The following DIABLO variants were observed in gnomAD, a reference collection of about 807,000 sequenced individuals.
DIABLO encodes the protein diablo IAP-binding mitochondrial protein.
DIABLO carries 32 observed loss-of-function variants against 31.7 expected under a neutral mutation model. The observed-to-expected ratio is 1.01, with a 90% CI of 0.76 to 1.35. The LOEUF is 1.35. DIABLO is among the 40% of genes most tolerant of loss of function. DIABLO has a pLI of 0.00. For missense variants in DIABLO, 316 were observed against 286.4 expected, an observed-to-expected ratio of 1.10 and a Z score of -0.75; for synonymous variants, 132 against 103.2, an observed-to-expected ratio of 1.28 and a Z score of -1.69.
chr12:122,226,028 GA>G lies in DIABLO; in HGVS notation c.-15del, dbSNP rs771952066. 5.0e-6 allele frequency: 8 copies of G among 1,600,344 alleles called. No homozygotes were observed. The Admixed American group carries it at 1.4e-4, about 27-fold the overall frequency. ...CAGAGCCGCCATTGTGCAGCGCGCG[GA>G]CGCCAGACGCACACGCCGGAAGTGA... On this transcript the variant is annotated 5_prime_UTR_variant, in exon 1 of 6. Transcript: ENST00000464942.
chr12:122,224,045 C>T (rs1338473857), intron 2 of DIABLO, among the ~76,000 whole-genome samples: 1 of 152,202 alleles, frequency 6.6e-6, no homozygotes, highest in East Asian at 1.9e-4. Flanking sequence ...AGCCATCCTC[C>T]CACCTCAGCC....
At chr12:122,213,690 T>C (rs922114651) in intron 5 of DIABLO, among the ~76,000 whole-genome samples, 16 of 152,278 alleles carry the variant, frequency 1.1e-4, no homozygotes, top group African/African-American at 3.6e-4. Context: ...TCCTCTGCCA[T>C]GTTTGTGTGG....
In DIABLO at chr12:122,216,470, C is replaced by T. The variant is rs750574662; in HGVS notation, c.523+18G>A. On this transcript the variant is annotated intron_variant, in intron 5 of 5. Coordinates refer to ENST00000464942, the MANE Select transcript of DIABLO (RefSeq NM_001371333.1). ...TTAAAAAATTAAAAAAAAAACCCAA[C>T]ACAAAACTTGAACCTACCAGTTTGA... 3 of 1,600,864 alleles carry T rather than the reference C, an allele frequency of 1.9e-6. No individual in the cohort carries two copies. The East Asian group carries it at 6.7e-5, about 36-fold the overall frequency.
At chr12:122,210,741 C>T (rs2136084693) in intron 5 of DIABLO, among the ~76,000 whole-genome samples, 1 of 152,072 alleles carries the variant, frequency 6.6e-6, no homozygotes, top group South Asian at 2.1e-4. Context: ...ACAAAATTTA[C>T]TGTGTGTCTT....
At chr12:122,213,124 G>A (rs1181043136) in intron 5 of DIABLO, among the ~76,000 whole-genome samples, 1 of 152,050 alleles carries the variant, frequency 6.6e-6, no homozygotes, top group Non-Finnish European at 1.5e-5. Flanking sequence ...GTGTTGTCAA[G>A]TCTGGTCTCG....
chr12:122,208,015 G>A lies in DIABLO; in HGVS notation c.*366C>T, dbSNP rs555384180. 1.4e-4 allele frequency: 67 copies of A among 495,010 alleles called. 2 individuals carry two copies. Among genetic ancestry groups the A allele is most frequent in the South Asian group, 8.6e-4 (56 of 64,830 alleles). 30.7% of individuals were successfully genotyped at this position (495,010 alleles called of 1,614,324 possible). On this transcript the variant is annotated 3_prime_UTR_variant, in exon 6 of 6. Coordinates refer to ENST00000464942, the MANE Select transcript of DIABLO (RefSeq NM_001371333.1). ...CAAGTACTAAATCATTTTTGACGAC[G>A]TAAATAAGACTGAAAACAGGTTAAA...
At chr12:122,224,231 T>C (rs1255463406) in intron 2 of DIABLO, among the ~76,000 whole-genome samples, 1 of 152,218 alleles carries the variant, frequency 6.6e-6, no homozygotes, top group African/African-American at 2.4e-5. Flanking sequence ...AGTTGCTCAA[T>C]AAATTTCTGT....
At position 122,207,895 on chromosome 12, in the gene DIABLO, A is replaced by C. The variant is rs912882030; in HGVS notation, c.*486T>G. ...GCTGTCCTCACAGGACAGTGGGGGC[A>C]GATCAGAGAACACATCAGAAATACA... is the stretch of plus-strand genomic sequence containing the variant. On this transcript the variant is annotated 3_prime_UTR_variant, in exon 6 of 6. Coordinates refer to ENST00000464942, the MANE Select transcript of DIABLO (RefSeq NM_001371333.1). The C allele has an allele frequency of 1.5e-5, 7 of 460,496 alleles. No homozygotes were observed. Among genetic ancestry groups the C allele is most frequent in the African/African-American group, 4.0e-5 (2 of 50,298 alleles). The allele number at this position is 460,496 out of a possible 1,614,324, so 28.5% of individuals were successfully genotyped here.
At chr12:122,212,866 C>T (rs886574106) in intron 5 of DIABLO, among the ~76,000 whole-genome samples, 3 of 151,640 alleles carry the variant, frequency 2.0e-5, no homozygotes, top group Non-Finnish European at 2.9e-5. Context: ...ACCACATGAT[C>T]CGCCCACCTC....
At chr12:122,216,464 A>AC in intron 5 of DIABLO, 24 bp downstream of exon 5, 1 of 1,595,154 alleles carries the variant, frequency 6.3e-7, no homozygotes, top group African/African-American at 1.3e-5. Flanking sequence ...TAAAAAAAAA[A>AC]CCCAACACAA....
intron 1 of DIABLO, 133 bp downstream of exon 1, chr12:122,225,832 G>A (rs1186222582): frequency 2.6e-6 from 4 of 1,514,412 alleles, no homozygotes; most frequent in East Asian, 4.9e-5. Flanking sequence ...CGACCGGAGC[G>A]AGACGCCGCG....
chr12:122,219,623 G>A (rs945965316), intron 2 of DIABLO, among the ~76,000 whole-genome samples: 10 of 152,120 alleles, frequency 6.6e-5, no homozygotes, highest in Admixed American at 3.3e-4. Context: ...TTGGGAGGCC[G>A]AGGCGGGTGG....
upstream of DIABLO, chr12:122,227,339 C>G (rs1186698901): frequency 4.4e-6 from 2 of 452,904 alleles, no homozygotes; most frequent in Non-Finnish European, 8.9e-6. Context: ...GCTTCCTTCT[C>G]TCCCCACCTC....
At chr12:122,221,019 G>C (rs1466191538) in intron 2 of DIABLO, 1 of 152,224 alleles carries the variant, frequency 6.6e-6, no homozygotes, top group Non-Finnish European at 1.5e-5. Context: ...GCTCAGAATA[G>C]TTATGTAACT....
intron 5 of DIABLO, among the ~76,000 whole-genome samples, chr12:122,212,939 A>G (rs1175303169): frequency 1.3e-5 from 2 of 151,020 alleles, no homozygotes; most frequent in Non-Finnish European, 3.0e-5. Flanking sequence ...TTTTGTTTTT[A>G]AGACAGGGTC....
chr12:122,225,866 G>A (rs1593185035), intron 1 of DIABLO, 99 bp downstream of exon 1: 16 of 1,539,264 alleles, frequency 1.0e-5, no homozygotes, highest in Admixed American at 3.9e-5. Flanking sequence ...GACGAGAGAT[G>A]AGCGCGTAAG....
At chr12:122,208,733 C>T (rs1161180004) in intron 5 of DIABLO, 156 bp from the exon 6 acceptor site, 2 of 762,190 alleles carry the variant, frequency 2.6e-6, no homozygotes, top group South Asian at 2.9e-5. Flanking sequence ...GAAACTTCCA[C>T]CTCTATGTTC....
Position 122,208,367 on chromosome 12 carries a change from G to C in DIABLO, c.*14C>G. 6.2e-7 allele frequency: 1 copy of C among 1,611,248 alleles called. No homozygotes were observed. The highest frequency in any genetic ancestry group is 1.1e-5 in the South Asian group (1 of 91,002). On this transcript the variant is annotated 3_prime_UTR_variant, in exon 6 of 6. Coordinates refer to ENST00000464942, the MANE Select transcript of DIABLO (RefSeq NM_001371333.1). The stretch of plus-strand genomic sequence containing the variant: ...CCCCACTGAGTGGGGAGACAGGGCA[G>C]TGTGCTCAGGCCCTCAATCCTCACG...
At chr12:122,214,902 G>A (rs1015274474) in intron 5 of DIABLO, among the ~76,000 whole-genome samples, 1 of 152,072 alleles carries the variant, frequency 6.6e-6, no homozygotes, top group African/African-American at 2.4e-5. Context: ...CGGTGGCCAG[G>A]GTAGTGTCAA....
Sources: allele counts gnomAD v4.1 joint callset (sites outside exome capture counted in the v4.1 genomes callset), GRCh38; gene constraint gnomAD v4.1.1; transcripts MANE v1.5; gene names NCBI Gene and HGNC (gene_info 2026-07-23, HGNC 2026-07-21).